RANBP2: variants seen among roughly 807,000 people sequenced by gnomAD.
The protein encoded by RANBP2 is E3 SUMO-protein ligase RanBP2.
In RANBP2, 57 loss-of-function variants were observed where a neutral mutation model predicts 303.6. That is an observed-to-expected ratio of 0.19 (90% CI 0.15 to 0.23). RANBP2 has a LOEUF of 0.23. Ranked by LOEUF, RANBP2 falls within the 10% of genes least tolerant of loss-of-function variation. The pLI, the probability that RANBP2 is intolerant of heterozygous loss-of-function variation, is 1.00. For synonymous variants in RANBP2, 1,167 were observed against 1,301.5 expected (o/e 0.90, Z 2.23); for missense variants, 3,138 against 3,780.8 (o/e 0.83, Z 4.46).
chr2:109,116,301 T>C, the RANBP2 span, among the ~76,000 whole-genome samples: 3 of 152,198 alleles, frequency 2.0e-5, no homozygotes, highest in Non-Finnish European at 4.4e-5. Context: ...TTCACATAGT[T>C]CCATATTTCT....
At chr2:109,610,475 G>C in the RANBP2 span, among the ~76,000 whole-genome samples, 1 of 152,202 alleles carries the variant, frequency 6.6e-6, no homozygotes, top group Admixed American at 6.5e-5. Flanking sequence ...AACACTTCGG[G>C]AGACTGAGAC....
At chr2:109,030,161 G>A in the RANBP2 span, among the ~76,000 whole-genome samples, 2 of 152,180 alleles carry the variant, frequency 1.3e-5, no homozygotes, top group Non-Finnish European at 2.9e-5. Flanking sequence ...GGATTCGAGA[G>A]CTCATGAAAC....
the RANBP2 span, among the ~76,000 whole-genome samples, chr2:108,856,569 A>G: frequency 6.6e-6 from 1 of 152,332 alleles, no homozygotes; most frequent in African/African-American, 2.4e-5. Context: ...GTGTTAAAAC[A>G]TGAAAATTCT....
chr2:109,674,373 T>C, the RANBP2 span, among the ~76,000 whole-genome samples: 1 of 129,518 alleles, frequency 7.7e-6, no homozygotes, highest in Non-Finnish European at 1.5e-5. Flanking sequence ...CAGTAGTTCA[T>C]GACCGGCCCG....
the RANBP2 span, among the ~76,000 whole-genome samples, chr2:108,961,714 G>A: frequency 2.6e-5 from 4 of 152,178 alleles, no homozygotes; most frequent in African/African-American, 4.8e-5. Context: ...GCCTTGGGTG[G>A]GTGCGGAAAA....
chr2:109,297,743 G>A, the RANBP2 span, among the ~76,000 whole-genome samples: 2 of 150,388 alleles, frequency 1.3e-5, no homozygotes, highest in East Asian at 4.0e-4. Flanking sequence ...CACCAGGACA[G>A]TGTCCCTTAT....
rs1695172483 is a variant in RANBP2, at chr2:108,731,589, A to C, written c.405+115A>C. ...AGCCCAGGTGTTAGTGTTTCCTTTA[A>C]AAATTTTCTTTTAAAAAGTGTGTTA... On this transcript the variant is annotated intron_variant, in intron 4 of 28. Transcript: ENST00000283195. The C allele has an allele frequency of 9.6e-6, 15 of 1,563,914 alleles. No homozygotes were observed. In the East Asian group the frequency reaches 2.9e-4, roughly 31 times the overall value.
the RANBP2 span, among the ~76,000 whole-genome samples, chr2:108,885,956 C>G: frequency 6.6e-6 from 1 of 152,180 alleles, no homozygotes; most frequent in Admixed American, 6.5e-5. Context: ...CTTTTTGTGG[C>G]TGAATAGTGT....
At chr2:109,192,937 A>T in the RANBP2 span, among the ~76,000 whole-genome samples, 1 of 152,166 alleles carries the variant, frequency 6.6e-6, no homozygotes, top group Non-Finnish European at 1.5e-5. Context: ...AGCTGTGGTT[A>T]AATTAAGGGT....
chr2:109,106,934 CT>C, the RANBP2 span, among the ~76,000 whole-genome samples: 1,343 of 133,764 alleles, frequency 0.01, 21 homozygotes, highest in African/African-American at 0.026. Flanking sequence ...GGGCCTTCTC[CT>C]TTTTTTTTTT....
the RANBP2 span, among the ~76,000 whole-genome samples, chr2:108,853,725 C>T: frequency 6.8e-6 from 1 of 147,636 alleles, no homozygotes; most frequent in East Asian, 2.0e-4. Context: ...GAGCTCTTGC[C>T]ATGTTGCCCA....
chr2:109,033,838 C>T, the RANBP2 span, among the ~76,000 whole-genome samples: 1 of 151,428 alleles, frequency 6.6e-6, no homozygotes, highest in African/African-American at 2.4e-5. Flanking sequence ...CACCTGTAGT[C>T]CCAGCAATTC....
chr2:109,380,394 C>G, the RANBP2 span, among the ~76,000 whole-genome samples: 1 of 152,160 alleles, frequency 6.6e-6, no homozygotes, highest in Non-Finnish European at 1.5e-5. Context: ...GGGTGGGGCC[C>G]AGGTGCTAGC....
chr2:109,674,060 A>G, the RANBP2 span, among the ~76,000 whole-genome samples: 1 of 152,096 alleles, frequency 6.6e-6, no homozygotes, highest in Non-Finnish European at 1.5e-5. Flanking sequence ...TCTACTGGGT[A>G]GGTTCACCTT....
the RANBP2 span, among the ~76,000 whole-genome samples, chr2:109,681,119 C>T: frequency 6.6e-6 from 1 of 152,172 alleles, no homozygotes; most frequent in Non-Finnish European, 1.5e-5. Flanking sequence ...GCAGTCTTCT[C>T]GATGCGGAGG....
At chr2:108,772,607 T>C (rs1677586917) in intron 22 of RANBP2, 26 bp downstream of exon 22, 12 of 1,581,914 alleles carry the variant, frequency 7.6e-6, no homozygotes, top group Non-Finnish European at 1.0e-5. Context: ...AGGACATTTA[T>C]AATGCTTTTA....
the RANBP2 span, among the ~76,000 whole-genome samples, chr2:109,472,880 C>T: frequency 9.2e-5 from 14 of 152,338 alleles, no homozygotes; most frequent in African/African-American, 3.4e-4. Flanking sequence ...CCAGGGCAGA[C>T]AGCCCTGCTC....
intron 6 of RANBP2, among the ~76,000 whole-genome samples, chr2:108,736,803 A>G (rs1695622081): frequency 6.6e-6 from 1 of 152,158 alleles, no homozygotes; most frequent in South Asian, 2.1e-4. Flanking sequence ...TTGGATTTGT[A>G]TAAAGATGTT....
chr2:108,857,236 G>T, the RANBP2 span, among the ~76,000 whole-genome samples: 18 of 151,766 alleles, frequency 1.2e-4, no homozygotes, highest in Middle Eastern at 3.4e-3. Flanking sequence ...ACGCCACCAC[G>T]CCCAGCTAAT....
Sources: gnomAD v4.1 joint callset for allele counts (sites outside exome capture counted in the v4.1 genomes callset) on GRCh38, gnomAD v4.1.1 for gene constraint, MANE v1.5 for transcripts, NCBI Gene and HGNC (gene_info 2026-07-23, HGNC 2026-07-21) for gene names.